Variants in KCNMA1 observed in about 807,000 individuals in gnomAD.
KCNMA1 encodes potassium calcium-activated channel subfamily M alpha 1, also known as Calcium-activated potassium channel subunit alpha-1.
In KCNMA1, 29 loss-of-function variants were observed where a neutral mutation model predicts 140.0. That is an observed-to-expected ratio of 0.21 (90% CI 0.15 to 0.28). The LOEUF (loss-of-function observed/expected upper bound fraction) is 0.28, where lower values mean the gene tolerates loss of function less well. Ranked by LOEUF, KCNMA1 falls within the 10% of genes least tolerant of loss-of-function variation. The probability of loss-of-function intolerance (pLI) is 1.00; values close to 1 mark genes in which losing one functional copy is unlikely to be tolerated. For missense variants in KCNMA1, 880 were observed against 1,602.2 expected, an observed-to-expected ratio of 0.55 and a Z score of 7.70; for synonymous variants, 612 against 611.9, an observed-to-expected ratio of 1.00 and a Z score of 0.00.
intron 5 of KCNMA1, chr10:77,140,328 T>G (rs1027740891): frequency 6.5e-6 from 1 of 152,820 alleles, no homozygotes; most frequent in Non-Finnish European, 1.5e-5. Flanking sequence ...AAGACACCAA[T>G]GACTGCCGGA....
chr10:77,514,685 A>C (rs2049723824), intron 1 of KCNMA1, among the ~76,000 whole-genome samples: 1 of 152,166 alleles, frequency 6.6e-6, no homozygotes, highest in African/African-American at 2.4e-5. Flanking sequence ...AGACTCGCTG[A>C]GCACCTGGCA....
rs545016082 is a variant in KCNMA1, at chr10:77,082,131, C to T, written c.1523+2506G>A. ...GCAACCTCCGCCTCCTGGGTTCAAG[C>T]GATTCCCCTGCCTCAACCTCCTGAG... On this transcript the variant is annotated intron_variant, in intron 12 of 27. Transcript: ENST00000286628. Among the ~76,000 whole-genome samples, 12 of 147,060 alleles carry T rather than the reference C, an allele frequency of 8.2e-5. No homozygotes were observed. The South Asian group carries it at 8.8e-4, about 11-fold the overall frequency.
intron 1 of KCNMA1, among the ~76,000 whole-genome samples, chr10:77,431,690 A>T (rs1315715070): frequency 1.5e-5 from 1 of 67,252 alleles, no homozygotes; most frequent in African/African-American, 6.7e-5. Context: ...GTAAAAAAAA[A>T]AAAAAAAAAA....
At chr10:77,410,743 G>A (rs1315105398) in intron 1 of KCNMA1, among the ~76,000 whole-genome samples, 3 of 152,124 alleles carry the variant, frequency 2.0e-5, no homozygotes, top group Non-Finnish European at 4.4e-5. Flanking sequence ...ATGCTGCCAG[G>A]ACATTCCAGA....
chr10:77,198,572 T>G (rs1007005846), intron 3 of KCNMA1, among the ~76,000 whole-genome samples: 78 of 92,030 alleles, frequency 8.5e-4, no homozygotes, highest in African/African-American at 2.6e-3. Flanking sequence ...ATATGTGATA[T>G]ATATATATAT....
intron 14 of KCNMA1, among the ~76,000 whole-genome samples, chr10:77,042,251 A>G (rs1279257142): frequency 2.6e-5 from 4 of 152,248 alleles, no homozygotes; most frequent in Admixed American, 2.0e-4. Context: ...TGTTTAGCTA[A>G]GCCTGAACTT....
chr10:77,077,968 G>T (rs2096450475), intron 13 of KCNMA1: 2 of 152,224 alleles, frequency 1.3e-5, no homozygotes, highest in Non-Finnish European at 2.9e-5. Flanking sequence ...CGAGGGCTGG[G>T]CAGTGGCTGG....
chr10:77,128,045 G>A (rs1036595673), intron 5 of KCNMA1, among the ~76,000 whole-genome samples: 3 of 151,980 alleles, frequency 2.0e-5, no homozygotes, highest in African/African-American at 7.2e-5. Context: ...GCTCATGGCT[G>A]TTTTATTTTG....
chr10:77,257,944 G>A (rs67064891), intron 2 of KCNMA1, among the ~76,000 whole-genome samples: 27,240 of 152,098 alleles, frequency 0.18, 2,685 homozygotes, highest in Middle Eastern at 0.23. Context: ...GTCTTTATCA[G>A]CAGTGTGAAA....
intron 1 of KCNMA1, among the ~76,000 whole-genome samples, chr10:77,417,493 C>T (rs759344709): frequency 1.3e-5 from 2 of 152,184 alleles, no homozygotes; most frequent in Admixed American, 6.5e-5. Context: ...TGGGGGTTGG[C>T]TCCTAACTGC....
intron 2 of KCNMA1, among the ~76,000 whole-genome samples, chr10:77,263,275 C>T (rs1271289829): frequency 1.7e-4 from 26 of 152,198 alleles, no homozygotes; most frequent in Admixed American, 1.7e-3. Context: ...TGTGTCCCGC[C>T]TTTCCCTTGC....
intron 5 of KCNMA1, among the ~76,000 whole-genome samples, chr10:77,155,989 A>G (rs1055323352): frequency 9.2e-5 from 14 of 152,260 alleles, no homozygotes; most frequent in African/African-American, 3.1e-4. Context: ...GCACTTTGGG[A>G]GGCCAAGGTG....
At chr10:77,205,153 C>A (rs1223188723) in intron 3 of KCNMA1, among the ~76,000 whole-genome samples, 1 of 152,186 alleles carries the variant, frequency 6.6e-6, no homozygotes. Flanking sequence ...AGTGGGCACA[C>A]AAACTTATTG....
chr10:77,613,884 T>C (rs1323828516), intron 1 of KCNMA1, among the ~76,000 whole-genome samples: 1 of 152,208 alleles, frequency 6.6e-6, no homozygotes, highest in African/African-American at 2.4e-5. Context: ...GGCTGTCTGC[T>C]GGTGGGAACT....
chr10:77,041,656 G>A (rs575830704), intron 14 of KCNMA1, among the ~76,000 whole-genome samples: 4 of 152,308 alleles, frequency 2.6e-5, no homozygotes, highest in South Asian at 4.1e-4. Context: ...ACGTTGAGCC[G>A]CTATGGGAGC....
At chr10:77,104,997 G>T (rs1370215973) in intron 9 of KCNMA1, among the ~76,000 whole-genome samples, 2 of 152,154 alleles carry the variant, frequency 1.3e-5, no homozygotes, top group Non-Finnish European at 2.9e-5. Flanking sequence ...AAGATTTAGG[G>T]TATCAGCCCA....
chr10:77,360,214 T>C (rs891208332), intron 2 of KCNMA1, among the ~76,000 whole-genome samples: 26 of 152,286 alleles, frequency 1.7e-4, no homozygotes, highest in African/African-American at 6.3e-4. Context: ...TACAATACAA[T>C]GCAACAGATG....
intron 1 of KCNMA1, among the ~76,000 whole-genome samples, chr10:77,405,410 T>A (rs1436290932): frequency 6.6e-6 from 1 of 152,224 alleles, no homozygotes; most frequent in Non-Finnish European, 1.5e-5. Context: ...GTTGGCTCAA[T>A]AACCATGAAT....
intron 14 of KCNMA1, among the ~76,000 whole-genome samples, chr10:77,044,892 T>G (rs1305286881): frequency 6.6e-6 from 1 of 151,788 alleles, no homozygotes; most frequent in African/African-American, 2.4e-5. Flanking sequence ...GGTTGTGGTG[T>G]TAGGATTTCG....
Sources: allele counts gnomAD v4.1 joint callset (sites outside exome capture counted in the v4.1 genomes callset), GRCh38; gene constraint gnomAD v4.1.1; transcripts MANE v1.5; gene names NCBI Gene and HGNC (gene_info 2026-07-23, HGNC 2026-07-21).